Variants in ZC3H3 observed in about 807,000 individuals in gnomAD.
ZC3H3 encodes zinc finger CCCH domain-containing protein 3.
ZC3H3 carries 36 observed loss-of-function variants against 77.3 expected under a neutral mutation model. The ratio of observed to expected loss-of-function variants is 0.47; its 90% CI spans 0.36 to 0.61. The LOEUF is 0.61. Ranked by LOEUF, ZC3H3 falls within the 20% of genes least tolerant of loss-of-function variation. The pLI is 0.00. For synonymous variants in ZC3H3, 626 were observed against 555.2 expected (o/e 1.13, Z -1.79); for missense variants, 1,331 against 1,312.2 (o/e 1.01, Z -0.22).
In ZC3H3 at chr8:143,475,193, G is replaced by A. The variant is rs549548754; in HGVS notation, c.1903+205C>T. Reference sequence around the variant, plus strand: ...ATGGAAGAGTGAAATTAACTCCCAGGATGGGACGTGACCCATTTGGGAAGT... The same window carrying A: ...ATGGAAGAGTGAAATTAACTCCCAGAATGGGACGTGACCCATTTGGGAAGT... On this transcript the variant is annotated intron_variant, in intron 5 of 11. Coordinates refer to ENST00000262577, the MANE Select transcript of ZC3H3 (RefSeq NM_015117.3). Among the ~76,000 whole-genome samples the A allele has an allele frequency of 8.5e-5, 13 of 152,360 alleles. No individual in the cohort carries two copies. In the South Asian group the frequency reaches 2.7e-3, roughly 32 times the overall value.
intron 8 of ZC3H3, 37 bp downstream of exon 8, chr8:143,468,172 A>C: frequency 6.3e-7 from 1 of 1,590,150 alleles, no homozygotes. Context: ...CCCCGGAGAA[A>C]GGTGCACGGG....
At chr8:143,537,182 A>G (rs1279993911) in intron 2 of ZC3H3, among the ~76,000 whole-genome samples, 1 of 152,206 alleles carries the variant, frequency 6.6e-6, no homozygotes, top group Non-Finnish European at 1.5e-5. Context: ...GTGCCATGAC[A>G]CCATCTCTGA....
intron 4 of ZC3H3, among the ~76,000 whole-genome samples, chr8:143,492,192 G>A (rs1008491906): frequency 3.3e-5 from 5 of 152,190 alleles, no homozygotes; most frequent in South Asian, 4.1e-4. Flanking sequence ...GGCCCAGGTC[G>A]GGCGGCAAAG....
chr8:143,486,192 AC>A lies in ZC3H3; in HGVS notation c.1716-10608del, dbSNP rs1235142449. 2.6e-5 allele frequency among the ~76,000 whole-genome samples: 4 copies of A among 152,254 alleles called. No homozygotes were observed. In the East Asian group the frequency reaches 7.7e-4, roughly 29 times the overall value. ...ACACATGGCGTATCCATATCACAGA[AC>A]ACCACACGGCAGGGAAAAAGAATGA... On this transcript the variant is annotated intron_variant, in intron 4 of 11. Transcript: ENST00000262577.
intron 4 of ZC3H3, among the ~76,000 whole-genome samples, chr8:143,478,422 C>T (rs412532): frequency 0.011 from 1,724 of 152,352 alleles, 31 homozygotes; most frequent in African/African-American, 0.039. Context: ...GCTTCCAGGA[C>T]CGCCCCACCC....
chr8:143,491,740 A>C (rs388357), intron 4 of ZC3H3, among the ~76,000 whole-genome samples: 95,445 of 152,202 alleles, frequency 0.63, 30,959 homozygotes, highest in East Asian at 0.93. Context: ...AGCTGCCCTC[A>C]GGGGCAGGGG....
chr8:143,521,189 CG>C (rs1563877003), intron 3 of ZC3H3, among the ~76,000 whole-genome samples: 1 of 152,158 alleles, frequency 6.6e-6, no homozygotes, highest in African/African-American at 2.4e-5. Context: ...GCCTTGCCAA[CG>C]AGACGAGGCA....
intron 5 of ZC3H3, among the ~76,000 whole-genome samples, chr8:143,470,100 C>T (rs1820522351): frequency 6.6e-6 from 1 of 152,342 alleles, no homozygotes; most frequent in Middle Eastern, 3.4e-3. Context: ...CCAAGGCTTC[C>T]GCTCCCTCGC....
At chr8:143,523,388 C>T (rs771127875) in intron 3 of ZC3H3, 43 of 985,348 alleles carry the variant, frequency 4.4e-5, no homozygotes, top group African/African-American at 1.0e-4. Flanking sequence ...GCTGCCGCGA[C>T]GCCCCTGCAG....
intron 9 of ZC3H3, among the ~76,000 whole-genome samples, chr8:143,446,459 CCTCT>C (rs1449810753): frequency 6.6e-6 from 1 of 152,032 alleles, no homozygotes; most frequent in Non-Finnish European, 1.5e-5. Flanking sequence ...TTATAAATTC[CCTCT>C]GAGTCAGTAA....
intron 4 of ZC3H3, among the ~76,000 whole-genome samples, chr8:143,506,005 C>T (rs1821681317): frequency 6.6e-6 from 1 of 152,238 alleles, no homozygotes; most frequent in Admixed American, 6.5e-5. Flanking sequence ...CCGCTGCTCT[C>T]AGCCACATGG....
intron 3 of ZC3H3, among the ~76,000 whole-genome samples, chr8:143,517,359 G>C (rs1287813760): frequency 1.3e-5 from 2 of 152,142 alleles, no homozygotes; most frequent in East Asian, 1.9e-4. Flanking sequence ...AGGCAGCTAA[G>C]GGGGTTCCCA....
chr8:143,481,958 C>A (rs1820919655), intron 4 of ZC3H3, among the ~76,000 whole-genome samples: 1 of 152,254 alleles, frequency 6.6e-6, no homozygotes, highest in Admixed American at 6.5e-5. Context: ...TGGGTCTCCG[C>A]CCTGGTTCAC....
intron 11 of ZC3H3, among the ~76,000 whole-genome samples, chr8:143,439,224 C>T (rs538944433): frequency 6.6e-6 from 1 of 152,094 alleles, no homozygotes; most frequent in Non-Finnish European, 1.5e-5. Flanking sequence ...AGGGTCTGGC[C>T]ACGGCTCCAC....
intron 8 of ZC3H3, 104 bp from the exon 9 acceptor site, chr8:143,465,952 C>A: frequency 7.0e-7 from 1 of 1,436,486 alleles, no homozygotes; most frequent in Non-Finnish European, 9.2e-7. Flanking sequence ...GAGAAATGGA[C>A]ACGCGGCACC....
chr8:143,441,108 G>A lies in ZC3H3; in HGVS notation c.2320C>T (p.His774Tyr). 6.9e-7 allele frequency: 1 copy of A among 1,442,958 alleles called. No homozygotes were observed. The highest frequency in any genetic ancestry group is 9.0e-7 in the Non-Finnish European group (1 of 1,109,034). The allele number at this position is 1,442,958 out of a possible 1,614,324, so 89.4% of individuals were successfully genotyped here. The change falls in exon 10 of 12, where the codon CAC (histidine) becomes TAC (tyrosine). Residue 774 changes from histidine to tyrosine, a missense_variant. This residue lies in a region of ZC3H3 where 104 missense variants were observed against 159.7 expected (regional missense o/e 0.65). Transcript: ENST00000262577. ...GCAAAGTCGGGGCACAGCAGCGTGT[G>A]TTTCTTCTTGCACTGCAGAGAGAAG... ...CPLGAKCKKK[H>Y]TLLCPDFARR... is the part of the protein sequence containing the mutation.
In ZC3H3 at chr8:143,528,474, C is replaced by G. The variant is rs34437358; in HGVS notation, c.1561+7783G>C. The stretch of plus-strand genomic sequence containing the variant: ...TCCACGGCCAGCCTCCCGGGGAGAT[C>G]GCCAGGCTCAGAAAGGCCTCCCAGC... On this transcript the variant is annotated intron_variant, in intron 3 of 11. Coordinates refer to ENST00000262577, the MANE Select transcript of ZC3H3 (RefSeq NM_015117.3). Among the ~76,000 whole-genome samples, 1,280 of 152,342 alleles carry G rather than the reference C, an allele frequency of 8.4e-3. 9 individuals are homozygous for G. The highest frequency in any genetic ancestry group is 0.029 in the African/African-American group (1,212 of 41,578).
rs933662113 is a variant in ZC3H3 at position 143,533,826 on chromosome 8, C to T, written c.1561+2431G>A. Among the ~76,000 whole-genome samples the T allele has an allele frequency of 6.6e-6, 1 of 152,116 alleles. No individual in the cohort carries two copies. The highest frequency in any genetic ancestry group is 1.5e-5 in the Non-Finnish European group (1 of 68,036). On this transcript the variant is annotated intron_variant, in intron 3 of 11. Transcript: ENST00000262577. The surrounding 1 kb of genome is among the most constrained non-coding windows in gnomAD (Gnocchi z 4.0). The stretch of plus-strand genomic sequence containing the variant: ...GAGTAGATGGGATTACAGACGCTCG[C>T]CACCACACCCAGCTAATTTTTGTAT...
intron 3 of ZC3H3, among the ~76,000 whole-genome samples, chr8:143,526,248 G>T (rs4874144): frequency 0.19 from 28,361 of 152,110 alleles, 2,713 homozygotes; most frequent in Middle Eastern, 0.28. Context: ...TGACATCAGG[G>T]CCTCGCCAGG....
Sources: allele counts gnomAD v4.1 joint callset (sites outside exome capture counted in the v4.1 genomes callset), GRCh38; gene constraint gnomAD v4.1.1; regional missense constraint gnomAD v4.1.1; non-coding constraint Gnocchi (gnomAD v3.1); transcripts MANE v1.5; gene names NCBI Gene and HGNC (gene_info 2026-07-23, HGNC 2026-07-21).